HIGD1A: variants seen among roughly 807,000 people sequenced by gnomAD.
HIGD1A encodes the protein HIG1 domain family member 1A, mitochondrial.
Under a neutral mutation model 11.3 loss-of-function variants are expected in HIGD1A, and 8 were observed. The ratio of observed to expected loss-of-function variants is 0.71; its 90% CI spans 0.42 to 1.28. The LOEUF (loss-of-function observed/expected upper bound fraction) is 1.28. Among genes scored for constraint, HIGD1A ranks in the 50% most tolerant of loss-of-function variants. HIGD1A has a pLI of 0.01. For synonymous variants in HIGD1A, 32 were observed against 38.4 expected (o/e 0.83, Z 0.62); for missense variants, 107 against 118.8 (o/e 0.90, Z 0.46).
chr3:42,804,220 C>A lies in HIGD1A; in HGVS notation c.-23+216G>T, dbSNP rs1055120210. 66 of 1,609,764 alleles carry A rather than the reference C, an allele frequency of 4.1e-5. No homozygotes were observed. The East Asian group carries it at 1.5e-3, about 36-fold the overall frequency. ...CTCGCTGGCTCCGTCTCCCCTCACC[C>A]GAAGGACCCTAGGCCTCGGCTCCCG... On this transcript the variant is annotated intron_variant, in intron 1 of 3. Transcript: ENST00000321331.
Position 42,783,460 on chromosome 3 carries a change from CA to C in HIGD1A, c.*1810del, listed in dbSNP as rs757340428. Among the ~76,000 whole-genome samples, 4 of 151,728 alleles carry C rather than the reference CA, an allele frequency of 2.6e-5. No individual in the cohort carries two copies. The highest frequency in any genetic ancestry group is 5.9e-5 in the Non-Finnish European group (4 of 67,960). On this transcript the variant is annotated 3_prime_UTR_variant, in exon 4 of 4. Transcript: ENST00000321331. ...TGAAACCTCGCCTTTACTAAAAACA[CA>C]AAAATTAGCCCGACATGGTGGCGCA... is the stretch of plus-strand genomic sequence containing the variant.
At chr3:42,789,492 C>G (rs761788000) in intron 2 of HIGD1A, among the ~76,000 whole-genome samples, 343 of 134,524 alleles carry the variant, frequency 2.5e-3, no homozygotes, top group Non-Finnish European at 4.6e-3. Flanking sequence ...AGAGTGAGAC[C>G]TGTGTCTACA....
intron 2 of HIGD1A, 98 bp downstream of exon 2, chr3:42,794,059 A>G (rs1575361456): frequency 1.6e-6 from 2 of 1,217,054 alleles, no homozygotes; most frequent in Non-Finnish European, 1.1e-6. Context: ...TCAACATAAG[A>G]AAAAAATGGA....
chr3:42,800,831 TAAA>T (rs35928474), intron 1 of HIGD1A, among the ~76,000 whole-genome samples: 1 of 144,690 alleles, frequency 6.9e-6, no homozygotes. Context: ...CCCGGTCCTT[TAAA>T]AAAAAAAAAA....
At position 42,784,819 on chromosome 3, in the gene HIGD1A, T is replaced by G. The variant is rs1216935560; in HGVS notation, c.*452A>C. 2 of 157,296 alleles carry G rather than the reference T, an allele frequency of 1.3e-5. No homozygotes were observed. Among genetic ancestry groups the G allele is most frequent in the African/African-American group, 4.8e-5 (2 of 41,632 alleles). The allele number at this position is 157,296 out of a possible 1,614,324, so 9.7% of individuals were successfully genotyped here. Reference sequence around the variant, plus strand: ...TACAAGTTATATTCCATGCACTTTTTGGACAGAGTTCTAACAGAGCCAGCC... The same window carrying G: ...TACAAGTTATATTCCATGCACTTTTGGGACAGAGTTCTAACAGAGCCAGCC... On this transcript the variant is annotated 3_prime_UTR_variant, in exon 4 of 4. Transcript: ENST00000321331.
intron 1 of HIGD1A, among the ~76,000 whole-genome samples, chr3:42,800,369 A>G (rs960628270): frequency 8.6e-5 from 13 of 151,966 alleles, no homozygotes; most frequent in Non-Finnish European, 1.8e-4. Context: ...AAAAGAAAAA[A>G]AAAACATGAC....
chr3:42,802,173 TCTC>T (rs1195656405), intron 1 of HIGD1A, among the ~76,000 whole-genome samples: 1 of 152,074 alleles, frequency 6.6e-6, no homozygotes, highest in Non-Finnish European at 1.5e-5. Context: ...TTTTTTTTTT[TCTC>T]CTTTCAGGAG....
At chr3:42,793,246 ATC>A (rs1700450183) in intron 2 of HIGD1A, among the ~76,000 whole-genome samples, 1 of 152,122 alleles carries the variant, frequency 6.6e-6, no homozygotes, top group African/African-American at 2.4e-5. Flanking sequence ...TTCACCTTTC[ATC>A]TGTTTTAACT....
intron 1 of HIGD1A, among the ~76,000 whole-genome samples, chr3:42,795,883 A>G (rs1472656470): frequency 6.6e-6 from 1 of 152,232 alleles, no homozygotes; most frequent in African/African-American, 2.4e-5. Context: ...TCACTGAACT[A>G]TTTTGAATTG....
chr3:42,791,641 G>A (rs1168718357), intron 2 of HIGD1A, among the ~76,000 whole-genome samples: 2 of 151,990 alleles, frequency 1.3e-5, no homozygotes, highest in Non-Finnish European at 2.9e-5. Context: ...CAACATAATG[G>A]GAACAACTCC....
chr3:42,792,275 T>C (rs994391399), intron 2 of HIGD1A, among the ~76,000 whole-genome samples: 8 of 152,198 alleles, frequency 5.3e-5, no homozygotes, highest in African/African-American at 1.9e-4. Flanking sequence ...AGTAGTTTAA[T>C]TGTTAATAAT....
chr3:42,785,025 G>C lies in HIGD1A; in HGVS notation c.*246C>G, dbSNP rs185779481. ...AAGGTGGACATTTCAACACCATCAA[G>C]TGCATTTAGGTGACATGTTTAAGTT... On this transcript the variant is annotated 3_prime_UTR_variant, in exon 4 of 4. Coordinates refer to ENST00000321331, the MANE Select transcript of HIGD1A (RefSeq NM_014056.4). The C allele has an allele frequency of 6.9e-6, 3 of 436,318 alleles. No individual in the cohort carries two copies. The East Asian group carries it at 1.0e-4, about 15-fold the overall frequency. The allele number at this position is 436,318 out of a possible 1,614,324, so 27.0% of individuals were successfully genotyped here.
chr3:42,804,459 C>A lies in HIGD1A; in HGVS notation c.-46G>T. ...ACCTAGAGCGAGAAAACCTCTCACA[C>A]CCCAACCGGCTTCCGATCCCTGCAG... On this transcript the variant is annotated 5_prime_UTR_variant, in exon 1 of 4. Transcript: ENST00000321331. 2.1e-6 allele frequency: 1 copy of A among 477,418 alleles called. No individual in the cohort carries two copies. Among genetic ancestry groups the A allele is most frequent in the Non-Finnish European group, 3.7e-6 (1 of 269,650 alleles). The allele number at this position is 477,418 out of a possible 1,614,324, so 29.6% of individuals were successfully genotyped here. A position where few individuals can be genotyped will look rare whatever the true frequency, so the allele number is the denominator to read the frequency against.
rs1189099536 is a variant in HIGD1A, at chr3:42,804,465, C to A, written c.-52G>T. The A allele has an allele frequency of 4.3e-6, 2 of 467,862 alleles. No individual in the cohort carries two copies. The highest frequency in any genetic ancestry group is 7.6e-6 in the Non-Finnish European group (2 of 263,940). The allele number at this position is 467,862 out of a possible 1,614,324, so 29.0% of individuals were successfully genotyped here. A position where few individuals can be genotyped will look rare whatever the true frequency, so the allele number is the denominator to read the frequency against. On this transcript the variant is annotated 5_prime_UTR_variant, in exon 1 of 4. Transcript: ENST00000321331. ...AGCGAGAAAACCTCTCACACCCCAA[C>A]CGGCTTCCGATCCCTGCAGGCGCAC... is the stretch of plus-strand genomic sequence containing the variant.
chr3:42,803,084 G>A (rs1342562172), intron 1 of HIGD1A, among the ~76,000 whole-genome samples: 1 of 152,066 alleles, frequency 6.6e-6, no homozygotes, highest in Admixed American at 6.6e-5. Flanking sequence ...CTTCATTATC[G>A]TTTTCTCATC....
intron 1 of HIGD1A, among the ~76,000 whole-genome samples, chr3:42,803,971 G>T (rs1206876950): frequency 6.6e-6 from 1 of 152,158 alleles, no homozygotes; most frequent in Non-Finnish European, 1.5e-5. Context: ...CTCTCTTCCT[G>T]TGACCTTGTC....
intron 1 of HIGD1A, among the ~76,000 whole-genome samples, chr3:42,795,500 T>A (rs1353420470): frequency 1.3e-5 from 2 of 151,996 alleles, no homozygotes; most frequent in African/African-American, 2.4e-5. Flanking sequence ...AGGCATGAGC[T>A]ACCACACCTG....
chr3:42,800,965 G>A (rs1700551800), intron 1 of HIGD1A, among the ~76,000 whole-genome samples: 1 of 152,122 alleles, frequency 6.6e-6, no homozygotes, highest in African/African-American at 2.4e-5. Context: ...TGCCTGCTCT[G>A]TTCTGAGTTG....
At chr3:42,802,463 C>T (rs1232384640) in intron 1 of HIGD1A, among the ~76,000 whole-genome samples, 2 of 152,312 alleles carry the variant, frequency 1.3e-5, no homozygotes, top group East Asian at 1.9e-4. Flanking sequence ...AAAAATCCAA[C>T]ACATATCAGT....
Sources: allele counts gnomAD v4.1 joint callset (sites outside exome capture counted in the v4.1 genomes callset), GRCh38; gene constraint gnomAD v4.1.1; transcripts MANE v1.5; gene names NCBI Gene and HGNC (gene_info 2026-07-23, HGNC 2026-07-21).